The following LINGO2 variants were observed in gnomAD, a reference collection of about 807,000 sequenced individuals.
LINGO2 encodes leucine-rich repeat and immunoglobulin-like domain-containing nogo receptor-interacting protein 2.
A neutral mutation model predicts 30.6 loss-of-function variants in LINGO2; 14 were observed. The ratio of observed to expected loss-of-function variants is 0.46; its 90% CI spans 0.30 to 0.72. The LOEUF (loss-of-function observed/expected upper bound fraction) is 0.72. LINGO2 is among the 30% of genes least tolerant of loss of function. The pLI, the probability that LINGO2 is intolerant of heterozygous loss-of-function variation, is 0.07. For missense variants in LINGO2, 729 were observed against 751.7 expected (o/e 0.97, Z 0.35); for synonymous variants, 317 against 288.5 (o/e 1.10, Z -1.00).
intron 1 of LINGO2, among the ~76,000 whole-genome samples, chr9:28,511,097 G>C (rs1820366528): frequency 6.6e-6 from 1 of 151,916 alleles, no homozygotes; most frequent in African/African-American, 2.4e-5. Context: ...TCCTTTGGCA[G>C]CACCCTCACA....
At chr9:28,737,961 C>T in the LINGO2 span, among the ~76,000 whole-genome samples, 5 of 152,032 alleles carry the variant, frequency 3.3e-5, no homozygotes, top group Admixed American at 2.0e-4. Context: ...TACCCAGCAC[C>T]GATTCCAACA....
chr9:28,011,362 G>A (rs1351616843), intron 5 of LINGO2, among the ~76,000 whole-genome samples: 1 of 152,208 alleles, frequency 6.6e-6, no homozygotes, highest in East Asian at 1.9e-4. Flanking sequence ...CAAATACTGT[G>A]TACATCATTC....
chr9:28,426,276 A>T (rs771418504), intron 2 of LINGO2, among the ~76,000 whole-genome samples: 5 of 152,120 alleles, frequency 3.3e-5, no homozygotes, highest in Non-Finnish European at 7.4e-5. Context: ...GTTTGCCTAT[A>T]ACATATTAAT....
intron 1 of LINGO2, among the ~76,000 whole-genome samples, chr9:28,496,986 C>T (rs1020301543): frequency 2.6e-5 from 4 of 152,126 alleles, no homozygotes; most frequent in Non-Finnish European, 4.4e-5. Flanking sequence ...GAATATTGGC[C>T]GCCACTCTCT....
chr9:28,458,032 A>G (rs1006521379), intron 2 of LINGO2, among the ~76,000 whole-genome samples: 6 of 152,182 alleles, frequency 3.9e-5, no homozygotes, highest in African/African-American at 1.4e-4. Context: ...AATTTCTTTC[A>G]ATGCTGTTCT....
At chr9:28,857,012 A>C in the LINGO2 span, among the ~76,000 whole-genome samples, 3 of 152,024 alleles carry the variant, frequency 2.0e-5, no homozygotes, top group Admixed American at 1.3e-4. Context: ...ATGCATAATC[A>C]CTTTTTTTCT....
the LINGO2 span, among the ~76,000 whole-genome samples, chr9:29,188,938 G>A: frequency 6.7e-6 from 1 of 148,622 alleles, no homozygotes; most frequent in Non-Finnish European, 1.5e-5. Context: ...CTCCCGGACG[G>A]GGTGGCTGGC....
the LINGO2 span, among the ~76,000 whole-genome samples, chr9:28,848,038 ATATATAGTATATATATATATATATG>A: frequency 1.7e-3 from 25 of 14,860 alleles, 5 homozygotes; most frequent in South Asian, 8.3e-3. Context: ...GACACACACT[ATATATAGTATATATATATATATATG>A]TATATAATAT....
At chr9:28,888,544 C>T in the LINGO2 span, among the ~76,000 whole-genome samples, 1 of 152,004 alleles carries the variant, frequency 6.6e-6, no homozygotes, top group African/African-American at 2.4e-5. Context: ...TCCTTTCCTG[C>T]AAGGTCTATA....
the LINGO2 span, among the ~76,000 whole-genome samples, chr9:28,800,808 A>G: frequency 6.6e-6 from 1 of 152,110 alleles, no homozygotes; most frequent in Non-Finnish European, 1.5e-5. Flanking sequence ...ACACTGGCTC[A>G]TCTTTTCTAA....
At chr9:28,863,460 C>A in the LINGO2 span, among the ~76,000 whole-genome samples, 1 of 152,010 alleles carries the variant, frequency 6.6e-6, no homozygotes, top group Non-Finnish European at 1.5e-5. Context: ...GTGTTTGACA[C>A]AGGTTTGATC....
chr9:28,178,478 C>T (rs1828809471), intron 4 of LINGO2, among the ~76,000 whole-genome samples: 2 of 152,030 alleles, frequency 1.3e-5, no homozygotes, highest in Non-Finnish European at 2.9e-5. Flanking sequence ...TTAATTTAGA[C>T]ACCAGAAGAC....
intron 5 of LINGO2, among the ~76,000 whole-genome samples, chr9:27,996,487 A>G (rs10968264): frequency 6.6e-6 from 1 of 152,188 alleles, no homozygotes; most frequent in Non-Finnish European, 1.5e-5. Context: ...AGTAACATAG[A>G]TGGAACTGGA....
the LINGO2 span, among the ~76,000 whole-genome samples, chr9:29,015,935 T>A: frequency 1.3e-5 from 2 of 152,050 alleles, no homozygotes; most frequent in African/African-American, 4.8e-5. Context: ...TTCTCAAGCA[T>A]GGCCATCATA....
intron 4 of LINGO2, among the ~76,000 whole-genome samples, chr9:28,020,531 A>C (rs1003659553): frequency 2.0e-5 from 3 of 148,572 alleles, no homozygotes; most frequent in African/African-American, 7.5e-5. Context: ...TCTGTCTTAT[A>C]AAAACAAAAC....
At chr9:27,983,400 T>C (rs1217756959) in intron 5 of LINGO2, among the ~76,000 whole-genome samples, 1 of 151,770 alleles carries the variant, frequency 6.6e-6, no homozygotes, top group African/African-American at 2.4e-5. Context: ...AGACACCAAG[T>C]AGGACACAGG....
chr9:28,768,452 C>G, the LINGO2 span, among the ~76,000 whole-genome samples: 1 of 152,062 alleles, frequency 6.6e-6, no homozygotes, highest in African/African-American at 2.4e-5. Context: ...CCAGGGTTAT[C>G]TTGTTCACTT....
the LINGO2 span, among the ~76,000 whole-genome samples, chr9:28,862,318 G>C: frequency 6.6e-6 from 1 of 152,034 alleles, no homozygotes; most frequent in African/African-American, 2.4e-5. Context: ...TAGGAAATAA[G>C]AATAACATGT....
At position 28,174,415 on chromosome 9, in the gene LINGO2, C is replaced by T. The variant is rs373402654; in HGVS notation, c.-87+120793G>A. ...GTCTTTGCACATGCTCTTCTTTCCTCCTCTCTCTTTTCTTTGTACCCTTAC... is the reference window on the plus strand; with the variant it reads ...GTCTTTGCACATGCTCTTCTTTCCTTCTCTCTCTTTTCTTTGTACCCTTAC... On this transcript the variant is annotated intron_variant, in intron 4 of 5. Coordinates refer to ENST00000379992, the Ensembl canonical transcript of LINGO2. 5.0e-4 allele frequency among the ~76,000 whole-genome samples: 76 copies of T among 152,148 alleles called. 1 individual carries two copies. In the South Asian group the frequency reaches 0.015, roughly 30 times the overall value.
Sources: gnomAD v4.1 joint callset for allele counts (sites outside exome capture counted in the v4.1 genomes callset) on GRCh38, gnomAD v4.1.1 for gene constraint, MANE v1.5 for transcripts, NCBI Gene and HGNC (gene_info 2026-07-23, HGNC 2026-07-21) for gene names.